ADGRL3: variants seen among roughly 807,000 people sequenced by gnomAD.
ADGRL3 encodes the protein adhesion G protein-coupled receptor L3.
A neutral mutation model predicts 153.5 loss-of-function variants in ADGRL3; 62 were observed. The observed-to-expected ratio is 0.40, with a 90% confidence interval of 0.33 to 0.50. ADGRL3 has a LOEUF of 0.50. Among genes scored for constraint, ADGRL3 ranks in the 20% least tolerant of loss-of-function variants. ADGRL3 has a pLI of 0.47. For missense variants in ADGRL3, 1,641 were observed against 1,859.4 expected (o/e 0.88, Z 2.16); for synonymous variants, 710 against 672.5 (o/e 1.06, Z -0.86).
At chr4:61,284,812 A>T (rs2093867834) in intron 1 of ADGRL3, among the ~76,000 whole-genome samples, 1 of 151,724 alleles carries the variant, frequency 6.6e-6, no homozygotes, top group South Asian at 2.1e-4. Context: ...ATAAAAATGG[A>T]AAATAATTTA....
intron 13 of ADGRL3, among the ~76,000 whole-genome samples, chr4:61,920,494 A>G (rs2098763752): frequency 6.6e-6 from 1 of 152,222 alleles, no homozygotes; most frequent in African/African-American, 2.4e-5. Flanking sequence ...TCCTTTATCT[A>G]ATATACGAAT....
chr4:61,830,245 A>G (rs1004135554), intron 9 of ADGRL3, among the ~76,000 whole-genome samples: 5 of 152,066 alleles, frequency 3.3e-5, no homozygotes, highest in African/African-American at 1.2e-4. Flanking sequence ...CTTTAAAATT[A>G]GCCTAGCTAC....
chr4:61,911,373 C>G (rs1472525468), intron 12 of ADGRL3, among the ~76,000 whole-genome samples: 2 of 152,012 alleles, frequency 1.3e-5, no homozygotes, highest in Admixed American at 1.3e-4. Flanking sequence ...ATTTGTGAAG[C>G]TTTTTAATGC....
At chr4:62,042,121 A>G (rs1728672282) in intron 24 of ADGRL3, among the ~76,000 whole-genome samples, 1 of 152,140 alleles carries the variant, frequency 6.6e-6, no homozygotes, top group African/African-American at 2.4e-5. Context: ...ATGCACATAT[A>G]TAATATACAT....
chr4:61,234,185 G>A (rs893696090), intron 1 of ADGRL3, among the ~76,000 whole-genome samples: 4 of 152,040 alleles, frequency 2.6e-5, no homozygotes, highest in African/African-American at 9.7e-5. Context: ...CTGAGACTGG[G>A]AAGAAAAAGA....
intron 4 of ADGRL3, among the ~76,000 whole-genome samples, chr4:61,576,410 A>T (rs2098882927): frequency 6.6e-6 from 1 of 151,372 alleles, no homozygotes; most frequent in African/African-American, 2.4e-5. Flanking sequence ...TGGGAAGAAA[A>T]CTGTCATTAG....
intron 5 of ADGRL3, among the ~76,000 whole-genome samples, chr4:61,642,758 C>T (rs955888297): frequency 6.6e-6 from 1 of 152,154 alleles, no homozygotes; most frequent in African/African-American, 2.4e-5. Flanking sequence ...TTAGGATTGA[C>T]ATGGCGATGT....
intron 8 of ADGRL3, among the ~76,000 whole-genome samples, chr4:61,783,953 G>A (rs2097246329): frequency 6.6e-6 from 1 of 152,064 alleles, no homozygotes; most frequent in South Asian, 2.1e-4. Flanking sequence ...CAGTTTTGAT[G>A]TAAGAAAATG....
At chr4:61,694,179 A>ATTTT (rs554084495) in intron 6 of ADGRL3, among the ~76,000 whole-genome samples, 1 of 26,708 alleles carries the variant, frequency 3.7e-5, no homozygotes, top group African/African-American at 1.5e-4. Context: ...TTTTGTCATT[A>ATTTT]TTTTTTTTTT....
intron 9 of ADGRL3, among the ~76,000 whole-genome samples, chr4:61,822,095 G>A (rs979655452): frequency 2.6e-5 from 4 of 152,082 alleles, no homozygotes; most frequent in African/African-American, 4.8e-5. Context: ...CATTACAGGG[G>A]GAGGGAACAT....
At chr4:61,911,635 G>A (rs564679967) in intron 12 of ADGRL3, among the ~76,000 whole-genome samples, 74 of 152,228 alleles carry the variant, frequency 4.9e-4, no homozygotes, top group African/African-American at 1.6e-3. Flanking sequence ...TGCAAACCAC[G>A]ATGCAAGTCA....
intron 4 of ADGRL3, among the ~76,000 whole-genome samples, chr4:61,555,767 T>C (rs1199432402): frequency 6.6e-6 from 1 of 152,230 alleles, no homozygotes; most frequent in African/African-American, 2.4e-5. Context: ...TTTTTGATTA[T>C]ATGCTAAACA....
intron 13 of ADGRL3, among the ~76,000 whole-genome samples, chr4:61,929,103 T>C (rs1304290675): frequency 6.6e-6 from 1 of 152,178 alleles, no homozygotes; most frequent in African/African-American, 2.4e-5. Flanking sequence ...AATTCATGTG[T>C]TGAAACTTAC....
intron 2 of ADGRL3, among the ~76,000 whole-genome samples, chr4:61,462,899 T>C (rs1213787798): frequency 2.6e-5 from 4 of 152,232 alleles, no homozygotes; most frequent in East Asian, 3.9e-4. Context: ...GGATTAGTCA[T>C]GTTTGGGCCT....
chr4:62,074,175 G>A lies in ADGRL3; in HGVS notation c.*3267G>A, dbSNP rs2151946428. 6.6e-6 allele frequency: 1 copy of A among 151,902 alleles called. No individual in the cohort carries two copies. Among genetic ancestry groups the A allele is most frequent in the East Asian group, 1.9e-4 (1 of 5,144 alleles). The allele number at this position is 151,902 out of a possible 1,614,324, so 9.4% of individuals were successfully genotyped here. A position where few individuals can be genotyped will look rare whatever the true frequency, so the allele number is the denominator to read the frequency against. ...GACCTGCTTATCTGTATATTTTTAT[G>A]TGTTCATCTGAATTTCCAGTAAGAA... On this transcript the variant is annotated 3_prime_UTR_variant, in exon 27 of 27. Coordinates refer to ENST00000683033, the MANE Select transcript of ADGRL3 (RefSeq NM_001387552.1).
At position 61,917,830 on chromosome 4, in the gene ADGRL3, C is replaced by G. The variant is rs186434964; in HGVS notation, c.2112+5073C>G. Among the ~76,000 whole-genome samples the G allele has an allele frequency of 2.3e-3, 346 of 152,220 alleles. 1 individual carries two copies. The highest frequency in any genetic ancestry group is 4.1e-3 in the Non-Finnish European group (279 of 68,036). On this transcript the variant is annotated intron_variant, in intron 13 of 26. Coordinates refer to ENST00000683033, the MANE Select transcript of ADGRL3 (RefSeq NM_001387552.1). ...AGAAAGTTCCTGAAATGGAAATATT[C>G]CTGTTGGTGATGAAGGAGGCTAGTG...
intron 9 of ADGRL3, among the ~76,000 whole-genome samples, chr4:61,834,807 T>C (rs1157252428): frequency 6.6e-6 from 1 of 152,168 alleles, no homozygotes; most frequent in Non-Finnish European, 1.5e-5. Context: ...AACAGCATAC[T>C]ATAAGGTAAA....
chr4:61,359,943 T>A (rs947091294), intron 1 of ADGRL3, among the ~76,000 whole-genome samples: 2 of 151,310 alleles, frequency 1.3e-5, no homozygotes, highest in Non-Finnish European at 3.0e-5. Context: ...ATTTTATTAT[T>A]ATATATAGTG....
chr4:62,034,929 T>G (rs1724130107), intron 23 of ADGRL3, among the ~76,000 whole-genome samples: 1 of 151,904 alleles, frequency 6.6e-6, no homozygotes, highest in Non-Finnish European at 1.5e-5. Context: ...GTAAGGTATA[T>G]TCTCTTTCCT....
Sources: gnomAD v4.1 joint callset for allele counts (sites outside exome capture counted in the v4.1 genomes callset) on GRCh38, gnomAD v4.1.1 for gene constraint, MANE v1.5 for transcripts, NCBI Gene and HGNC (gene_info 2026-07-23, HGNC 2026-07-21) for gene names.